Variants in AIG1 observed in about 807,000 individuals in gnomAD.
The protein encoded by AIG1 is androgen-induced gene 1 protein.
AIG1 carries 23 observed loss-of-function variants against 31.4 expected under a neutral mutation model. That is an observed-to-expected ratio of 0.73 (90% CI 0.53 to 1.04). The LOEUF (loss-of-function observed/expected upper bound fraction) is 1.04. Among genes scored for constraint, AIG1 ranks in the 50% least tolerant of loss-of-function variants. The probability of loss-of-function intolerance (pLI) is 0.00; values close to 1 mark genes in which losing one functional copy is unlikely to be tolerated. For synonymous variants in AIG1, 100 were observed against 110.5 expected, an observed-to-expected ratio of 0.90 and a Z score of 0.60; for missense variants, 274 against 295.0, an observed-to-expected ratio of 0.93 and a Z score of 0.52.
intron 1 of AIG1, among the ~76,000 whole-genome samples, chr6:143,077,037 GT>G (rs1051312649): frequency 3.9e-5 from 6 of 152,068 alleles, no homozygotes; most frequent in Admixed American, 6.6e-5. Context: ...AATTATTTTA[GT>G]TGTTTTTCTA....
At chr6:143,306,125 A>C (rs927565630) in intron 4 of AIG1, among the ~76,000 whole-genome samples, 4 of 150,988 alleles carry the variant, frequency 2.6e-5, no homozygotes, top group African/African-American at 7.3e-5. Flanking sequence ...GTGTCTCTGC[A>C]CGTGAGATGG....
At chr6:143,128,949 A>G (rs1782947829) in intron 1 of AIG1, among the ~76,000 whole-genome samples, 1 of 152,256 alleles carries the variant, frequency 6.6e-6, no homozygotes, top group African/African-American at 2.4e-5. Context: ...AGTTAAAGAA[A>G]TAGTAGCATA....
intron 3 of AIG1, among the ~76,000 whole-genome samples, chr6:143,237,846 C>G (rs946723885): frequency 6.6e-6 from 1 of 152,174 alleles, no homozygotes; most frequent in Non-Finnish European, 1.5e-5. Flanking sequence ...ACGTAGAAGT[C>G]TGTTTTCTCC....
At position 143,323,074 on chromosome 6, in the gene AIG1, G is replaced by C. The variant is rs889207567; in HGVS notation, c.516-10208G>C. 5.9e-5 allele frequency among the ~76,000 whole-genome samples: 9 copies of C among 152,154 alleles called. No individual in the cohort carries two copies. The South Asian group carries it at 1.9e-3, about 32-fold the overall frequency. On this transcript the variant is annotated intron_variant, in intron 4 of 5. Coordinates refer to ENST00000357847, the MANE Select transcript of AIG1 (RefSeq NM_016108.4). ...AAAAGGGAAACTGAGGCTCAATGAA[G>C]TTAAATAGTATCCAAGGTGAACTAA...
chr6:143,276,165 G>C (rs1316631265), intron 3 of AIG1, among the ~76,000 whole-genome samples: 1 of 152,204 alleles, frequency 6.6e-6, no homozygotes, highest in Non-Finnish European at 1.5e-5. Flanking sequence ...CACTGTCCTA[G>C]TGTAATGGTT....
At chr6:143,065,888 T>C (rs75339334) in intron 1 of AIG1, among the ~76,000 whole-genome samples, 12,653 of 152,298 alleles carry the variant, frequency 0.083, 889 homozygotes, top group East Asian at 0.37. Flanking sequence ...TTTTAAAGAT[T>C]GAAACATATC....
intron 1 of AIG1, among the ~76,000 whole-genome samples, chr6:143,132,430 A>G (rs1303199805): frequency 6.6e-6 from 1 of 152,140 alleles, no homozygotes; most frequent in Non-Finnish European, 1.5e-5. Flanking sequence ...ATCGTTTTAC[A>G]CAAGAAATAT....
intron 5 of AIG1, among the ~76,000 whole-genome samples, chr6:143,337,736 C>G (rs532618488): frequency 7.1e-4 from 108 of 152,246 alleles, no homozygotes; most frequent in African/African-American, 2.4e-3. Flanking sequence ...TCATTTCCCC[C>G]CAGGCCCATC....
chr6:143,167,322 A>G (rs1361278216), intron 3 of AIG1, among the ~76,000 whole-genome samples: 1 of 152,200 alleles, frequency 6.6e-6, no homozygotes, highest in Non-Finnish European at 1.5e-5. Flanking sequence ...TATCACCTAG[A>G]TAACTCTAAT....
At chr6:143,098,459 C>T (rs1036306489) in intron 1 of AIG1, among the ~76,000 whole-genome samples, 3 of 152,280 alleles carry the variant, frequency 2.0e-5, no homozygotes, top group African/African-American at 7.2e-5. Flanking sequence ...CTCTTCTTAA[C>T]CTCTCAATGT....
intron 4 of AIG1, among the ~76,000 whole-genome samples, chr6:143,289,254 T>C (rs1051304104): frequency 1.3e-5 from 2 of 152,134 alleles, no homozygotes; most frequent in Admixed American, 6.5e-5. Context: ...GGCTAAAATA[T>C]GTTTGATTTC....
intron 3 of AIG1, among the ~76,000 whole-genome samples, chr6:143,265,064 T>C (rs923057047): frequency 7.9e-5 from 12 of 152,234 alleles, no homozygotes; most frequent in Admixed American, 2.0e-4. Context: ...ATCTAGTTTG[T>C]GTTGAGAAAT....
Position 143,115,400 on chromosome 6 carries a change from C to T in AIG1, c.142-21435C>T, listed in dbSNP as rs988187108. 3.9e-5 allele frequency among the ~76,000 whole-genome samples: 6 copies of T among 152,204 alleles called. No homozygotes were observed. The East Asian group carries it at 5.8e-4, about 15-fold the overall frequency. On this transcript the variant is annotated intron_variant, in intron 1 of 5. Transcript: ENST00000357847. ...AATAGAAGGCTGGAAGTTTTAGAGC[C>T]AGAATATTTGCATTTATTTATTACT...
chr6:143,333,429 C>G lies in AIG1; in HGVS notation c.663C>G (p.Ile221Met). The G allele has an allele frequency of 6.2e-7, 1 of 1,612,444 alleles. No individual in the cohort carries two copies. The highest frequency in any genetic ancestry group is 8.5e-7 in the Non-Finnish European group (1 of 1,179,584). Residue 221 changes from isoleucine (I) to methionine (M), a missense_variant, in exon 5 of 6, where the codon ATC becomes ATG. This residue lies in a region of AIG1 where 31 missense variants were observed against 56.5 expected (regional missense o/e 0.55). Transcript: ENST00000357847. The surrounding 1 kb of genome is among the most constrained non-coding windows in gnomAD (Gnocchi z 4.6). ...TGGGAGAAGTTCTGAACAACTATAT[C>G]TGGGATACACAGAAAAGTAAGTATT... ...YLLGEVLNNY[I>M]WDTQKSMEEE...
At chr6:143,079,419 T>C (rs1440948008) in intron 1 of AIG1, among the ~76,000 whole-genome samples, 3 of 152,160 alleles carry the variant, frequency 2.0e-5, no homozygotes, top group Non-Finnish European at 4.4e-5. Flanking sequence ...TGTACCCTTA[T>C]GGGTCCTTAT....
chr6:143,113,551 C>T (rs995806460), intron 1 of AIG1, among the ~76,000 whole-genome samples: 9 of 147,410 alleles, frequency 6.1e-5, no homozygotes, highest in Non-Finnish European at 9.0e-5. Context: ...TGTGGTCAGC[C>T]GAGATCACGC....
At chr6:143,132,048 C>A (rs1783290448) in intron 1 of AIG1, among the ~76,000 whole-genome samples, 1 of 152,172 alleles carries the variant, frequency 6.6e-6, no homozygotes, top group Non-Finnish European at 1.5e-5. Context: ...TATATACCTT[C>A]CATTCTTTCT....
At chr6:143,287,640 A>T (rs2128683969) in intron 4 of AIG1, among the ~76,000 whole-genome samples, 1 of 151,148 alleles carries the variant, frequency 6.6e-6, no homozygotes, top group South Asian at 2.1e-4. Flanking sequence ...GCTTTAGCTT[A>T]ATCAGAAGTA....
intron 3 of AIG1, among the ~76,000 whole-genome samples, chr6:143,197,573 A>G (rs1445339701): frequency 6.6e-6 from 1 of 152,178 alleles, no homozygotes; most frequent in African/African-American, 2.4e-5. Context: ...CATCCCCTGC[A>G]GTTGGTTCTG....
Sources: gnomAD v4.1 joint callset for allele counts (sites outside exome capture counted in the v4.1 genomes callset) on GRCh38, gnomAD v4.1.1 for gene constraint, gnomAD v4.1.1 regional missense constraint, Gnocchi (gnomAD v3.1) non-coding constraint, MANE v1.5 for transcripts, NCBI Gene and HGNC (gene_info 2026-07-23, HGNC 2026-07-21) for gene names.